Variants in DENND2B observed in about 807,000 individuals in gnomAD.
DENND2B encodes DENN domain-containing protein 2B.
Under a neutral mutation model 116.0 loss-of-function variants are expected in DENND2B, and 32 were observed. That is an observed-to-expected ratio of 0.28 (90% confidence interval 0.21 to 0.37). The LOEUF is 0.37. DENND2B is among the 10% of genes least tolerant of loss of function. The probability of loss-of-function intolerance (pLI) is 1.00; values close to 1 mark genes in which losing one functional copy is unlikely to be tolerated. For synonymous variants in DENND2B, 588 were observed against 583.9 expected (o/e 1.01, Z -0.10); for missense variants, 1,276 against 1,477.7 (o/e 0.86, Z 2.24).
intron 1 of DENND2B, chr11:8,810,310 G>C (rs985408029): frequency 6.6e-6 from 1 of 152,118 alleles, no homozygotes; most frequent in Non-Finnish European, 1.5e-5. Context: ...TTCAGCAAGA[G>C]TGAGATCAGC....
intron 1 of DENND2B, among the ~76,000 whole-genome samples, chr11:8,805,350 A>C (rs2060748113): frequency 6.6e-6 from 1 of 152,258 alleles, no homozygotes; most frequent in African/African-American, 2.4e-5. Flanking sequence ...TACAATACTC[A>C]GTTGTCAGAA....
chr11:8,827,828 A>C (rs1231932289), intron 4 of DENND2B, among the ~76,000 whole-genome samples: 1 of 152,196 alleles, frequency 6.6e-6, no homozygotes, highest in Non-Finnish European at 1.5e-5. Flanking sequence ...ATCTGACTTC[A>C]CCTTATGCTC....
At chr11:8,754,029 G>GCGCGCGCGCACACACACA (rs146486674) in intron 1 of DENND2B, among the ~76,000 whole-genome samples, 17 of 138,734 alleles carry the variant, frequency 1.2e-4, no homozygotes, top group African/African-American at 4.4e-4. Context: ...CCAAAAGCGC[G>GCGCGCGCGCACACACACA]CACACACACA....
chr11:8,785,860 G>A (rs1055630595), intron 1 of DENND2B: 2 of 152,170 alleles, frequency 1.3e-5, no homozygotes, highest in African/African-American at 4.8e-5. Context: ...ACAAAATAAT[G>A]TTCTAATAGA....
intron 3 of DENND2B, among the ~76,000 whole-genome samples, chr11:8,856,008 C>T (rs1313719413): frequency 1.3e-5 from 2 of 152,190 alleles, no homozygotes; most frequent in African/African-American, 2.4e-5. Context: ...GAGCACCCAA[C>T]ATATGTTGCC....
At chr11:8,775,069 C>T (rs1179728035) in intron 1 of DENND2B, among the ~76,000 whole-genome samples, 11 of 151,694 alleles carry the variant, frequency 7.3e-5, no homozygotes, top group Non-Finnish European at 1.2e-4. Flanking sequence ...TCAATAGAGA[C>T]GGGGTTTCAC....
At chr11:8,795,986 T>G (rs1346735892) in intron 1 of DENND2B, among the ~76,000 whole-genome samples, 1 of 152,242 alleles carries the variant, frequency 6.6e-6, no homozygotes, top group Non-Finnish European at 1.5e-5. Context: ...TGAAACAGAC[T>G]GGGAAGGGGA....
At chr11:8,734,906 T>C (rs1420314754) in intron 2 of DENND2B, among the ~76,000 whole-genome samples, 1 of 150,260 alleles carries the variant, frequency 6.7e-6, no homozygotes, top group Admixed American at 6.7e-5. Context: ...CTTAGCTTGA[T>C]AATTACTCAT....
intron 1 of DENND2B, among the ~76,000 whole-genome samples, chr11:8,897,167 G>C (rs1296243266): frequency 6.6e-6 from 1 of 152,266 alleles, no homozygotes; most frequent in Middle Eastern, 3.4e-3. Context: ...TGAGGCAGGA[G>C]AATCACTTGA....
intron 16 of DENND2B, among the ~76,000 whole-genome samples, chr11:8,698,493 G>A (rs549064470): frequency 2.8e-4 from 43 of 152,188 alleles, no homozygotes; most frequent in South Asian, 1.2e-3. Flanking sequence ...GGATTTCCAC[G>A]ACTAACAAAG....
At chr11:8,891,815 A>C (rs1428450749) in intron 1 of DENND2B, among the ~76,000 whole-genome samples, 1 of 152,198 alleles carries the variant, frequency 6.6e-6, no homozygotes, top group Non-Finnish European at 1.5e-5. Flanking sequence ...CCCCACTATC[A>C]ACATTAGACA....
At chr11:8,819,042 T>C (rs2061673419) in intron 4 of DENND2B, among the ~76,000 whole-genome samples, 1 of 152,226 alleles carries the variant, frequency 6.6e-6, no homozygotes, top group Non-Finnish European at 1.5e-5. Context: ...ACTGATTAGA[T>C]CAATACTAAA....
intron 1 of DENND2B, chr11:8,808,043 G>C (rs1048880850): frequency 4.6e-5 from 7 of 152,246 alleles, no homozygotes; most frequent in African/African-American, 1.7e-4. Flanking sequence ...TCCATTCCTT[G>C]GCACAGTCCC....
At chr11:8,782,785 G>A (rs1264047863) in intron 1 of DENND2B, among the ~76,000 whole-genome samples, 1 of 151,118 alleles carries the variant, frequency 6.6e-6, no homozygotes, top group African/African-American at 2.4e-5. Context: ...TACTCGGGAG[G>A]CTGAGGCAGG....
chr11:8,712,723 C>G lies in DENND2B; in HGVS notation c.2000G>C (p.Arg667Pro). 1 of 1,611,318 alleles carries G rather than the reference C, an allele frequency of 6.2e-7. No individual in the cohort carries two copies. Among genetic ancestry groups the G allele is most frequent in the Non-Finnish European group, 8.5e-7 (1 of 1,178,808 alleles). ...CAGCATCGACTGGATGTGGACCAGG[C>G]GCTGTGTGTGGGCTGGAGGCAGGTT... Reference protein sequence around the residue: ...SDDRFKAHTQRLVHIQSMLKR... With the variant: ...SDDRFKAHTQPLVHIQSMLKR... Residue 667 changes from arginine to proline, a missense_variant, in exon 9 of 20, where the codon CGC (arginine) becomes CCC (proline). By Grantham distance (103) the Arg-to-Pro change is moderately radical (BLOSUM62 -2). This residue lies in a region of DENND2B where 420 missense variants were observed against 631.1 expected (regional missense o/e 0.67). Transcript: ENST00000313726. The surrounding 1 kb of genome is among the most constrained non-coding windows in gnomAD (Gnocchi z 4.4).
rs776106904 is a variant in DENND2B at position 8,702,533 on chromosome 11, C to G, written c.2720+39G>C. 2 of 1,605,576 alleles carry G rather than the reference C, an allele frequency of 1.2e-6. No homozygotes were observed. Among genetic ancestry groups the G allele is most frequent in the East Asian group, 4.5e-5 (2 of 44,848 alleles). ...GCTGATTCGCTTGTGGGTGTGCCTTCCCCCCTCCCTTCTGCTTTCTTGCCC... is the reference window on the plus strand; with the variant it reads ...GCTGATTCGCTTGTGGGTGTGCCTTGCCCCCTCCCTTCTGCTTTCTTGCCC... On this transcript the variant is annotated intron_variant, in intron 14 of 19. Coordinates refer to ENST00000313726, the MANE Select transcript of DENND2B (RefSeq NM_213618.2). The surrounding 1 kb of genome is among the most constrained non-coding windows in gnomAD (Gnocchi z 4.6).
At chr11:8,824,200 C>A (rs1413985709) in intron 4 of DENND2B, among the ~76,000 whole-genome samples, 5 of 122,346 alleles carry the variant, frequency 4.1e-5, no homozygotes, top group African/African-American at 1.3e-4. Context: ...CCATGCCTGG[C>A]CTCTTTTTTT....
chr11:8,771,560 A>AGAGAGAGAGAGAGAGAGAGAGAGAGC (rs1173659150), intron 1 of DENND2B: 10 of 149,606 alleles, frequency 6.7e-5, no homozygotes, highest in South Asian at 4.4e-4. Context: ...AGAGAGAGAG[A>AGAGAGAGAGAGAGAGAGAGAGAGAGC]GAGAGAGCCT....
intron 4 of DENND2B, 99 bp downstream of exon 4, chr11:8,725,974 C>T: frequency 6.4e-7 from 1 of 1,572,418 alleles, no homozygotes; most frequent in East Asian, 2.2e-5. Flanking sequence ...GGGACCATGC[C>T]TGCCCACAGT....
Sources: allele counts gnomAD v4.1 joint callset (sites outside exome capture counted in the v4.1 genomes callset), GRCh38; gene constraint gnomAD v4.1.1; regional missense constraint gnomAD v4.1.1; non-coding constraint Gnocchi (gnomAD v3.1); transcripts MANE v1.5; gene names NCBI Gene and HGNC (gene_info 2026-07-23, HGNC 2026-07-21).